UNC5D: variants seen among roughly 807,000 people sequenced by gnomAD.
The protein encoded by UNC5D is unc-5 netrin receptor D.
Under a neutral mutation model 105.4 loss-of-function variants are expected in UNC5D, and 39 were observed. That is an observed-to-expected ratio of 0.37 (90% CI 0.29 to 0.48). UNC5D has a LOEUF of 0.48. Among genes scored for constraint, UNC5D ranks in the 20% least tolerant of loss-of-function variants. The probability of loss-of-function intolerance (pLI) is 0.98; values close to 1 mark genes in which losing one functional copy is unlikely to be tolerated. For missense variants in UNC5D, 991 were observed against 1,202.4 expected (o/e 0.82, Z 2.60); for synonymous variants, 452 against 450.4 (o/e 1.00, Z -0.04).
At chr8:35,638,197 C>T (rs1327932783) in intron 4 of UNC5D, among the ~76,000 whole-genome samples, 1 of 152,098 alleles carries the variant, frequency 6.6e-6, no homozygotes, top group Non-Finnish European at 1.5e-5. Flanking sequence ...TGAGAACAAA[C>T]ACTTGTCTCA....
intron 3 of UNC5D, among the ~76,000 whole-genome samples, chr8:35,579,087 ATTT>A (rs1818304220): frequency 6.6e-6 from 1 of 152,194 alleles, no homozygotes; most frequent in South Asian, 2.1e-4. Context: ...TATAGATTTT[ATTT>A]CAATTCAACT....
chr8:35,515,186 G>T (rs761903012), intron 1 of UNC5D, among the ~76,000 whole-genome samples: 1 of 152,098 alleles, frequency 6.6e-6, no homozygotes, highest in Non-Finnish European at 1.5e-5. Context: ...AACTTTTGTG[G>T]CCTTACCAAA....
At chr8:35,305,956 C>A (rs987087695) in intron 1 of UNC5D, among the ~76,000 whole-genome samples, 11 of 147,978 alleles carry the variant, frequency 7.4e-5, no homozygotes, top group African/African-American at 2.7e-4. Flanking sequence ...TTCTTCTTAC[C>A]AATATATAAA....
At chr8:35,442,603 A>T (rs1457871897) in intron 1 of UNC5D, among the ~76,000 whole-genome samples, 1 of 151,924 alleles carries the variant, frequency 6.6e-6, no homozygotes, top group Non-Finnish European at 1.5e-5. Flanking sequence ...TTGTTGATAG[A>T]ATAGTTTGTT....
At chr8:35,343,810 C>T (rs142522379) in intron 1 of UNC5D, among the ~76,000 whole-genome samples, 23 of 152,244 alleles carry the variant, frequency 1.5e-4, no homozygotes, top group Middle Eastern at 3.4e-3. Context: ...ATACTTTATG[C>T]AATTCTGCAG....
At chr8:35,441,852 T>C (rs1428783836) in intron 1 of UNC5D, among the ~76,000 whole-genome samples, 1 of 151,694 alleles carries the variant, frequency 6.6e-6, no homozygotes, top group African/African-American at 2.4e-5. Context: ...ATTCATCTAA[T>C]AAGAAGCGGG....
chr8:35,303,555 G>C (rs1356783767), intron 1 of UNC5D, among the ~76,000 whole-genome samples: 1 of 152,170 alleles, frequency 6.6e-6, no homozygotes, highest in Non-Finnish European at 1.5e-5. Context: ...AGAATTTCAT[G>C]ATTTTATCTC....
chr8:35,790,163 T>A (rs1802971008), intron 16 of UNC5D, among the ~76,000 whole-genome samples, 196 bp from the exon 17 acceptor site: 1 of 152,136 alleles, frequency 6.6e-6, no homozygotes, highest in Admixed American at 6.6e-5. Context: ...AGGTTATTGG[T>A]AACATTCCAC....
chr8:35,774,521 T>G (rs1256516803), intron 16 of UNC5D, 44 bp downstream of exon 16: 1 of 1,605,182 alleles, frequency 6.2e-7, no homozygotes, highest in Non-Finnish European at 8.5e-7. Context: ...CTAAGAGAAC[T>G]TGGAAACATA....
In UNC5D at chr8:35,794,042, G is replaced by A. The variant is rs1467431489; in HGVS notation, c.*3479G>A. 1 of 152,048 alleles carries A rather than the reference G, an allele frequency of 6.6e-6. No homozygotes were observed. The highest frequency in any genetic ancestry group is 1.5e-5 in the Non-Finnish European group (1 of 68,006). The allele number at this position is 152,048 out of a possible 1,614,324, so 9.4% of individuals were successfully genotyped here. On this transcript the variant is annotated 3_prime_UTR_variant, in exon 17 of 17. Coordinates refer to ENST00000404895, the MANE Select transcript of UNC5D (RefSeq NM_080872.4). ...CCTTGAGAAACATTCTCAGCATCAG[G>A]ATTGATAAACAAATGTAGATGATTA... is the stretch of plus-strand genomic sequence containing the variant.
At chr8:35,486,192 A>C (rs1327238048) in intron 1 of UNC5D, among the ~76,000 whole-genome samples, 1 of 152,212 alleles carries the variant, frequency 6.6e-6, no homozygotes, top group Admixed American at 6.5e-5. Flanking sequence ...AATTAGCATG[A>C]GTAGATATAA....
chr8:35,441,480 A>G (rs901976060), intron 1 of UNC5D, among the ~76,000 whole-genome samples: 6 of 151,834 alleles, frequency 4.0e-5, no homozygotes, highest in Non-Finnish European at 2.9e-5. Flanking sequence ...GGGCCTTGGA[A>G]TGTACCCCCT....
chr8:35,375,641 C>T (rs1802657018), intron 1 of UNC5D, among the ~76,000 whole-genome samples: 1 of 152,132 alleles, frequency 6.6e-6, no homozygotes, highest in Non-Finnish European at 1.5e-5. Flanking sequence ...AAATCACCAA[C>T]ATTTGAGAGA....
intron 8 of UNC5D, among the ~76,000 whole-genome samples, chr8:35,709,257 G>A (rs1452362671): frequency 6.6e-6 from 1 of 152,160 alleles, no homozygotes; most frequent in Non-Finnish European, 1.5e-5. Context: ...TGTTAGTGAG[G>A]AAGGACAGGA....
intron 1 of UNC5D, among the ~76,000 whole-genome samples, chr8:35,406,564 ACAGTAC>A (rs1174953176): frequency 3.3e-5 from 5 of 152,200 alleles, no homozygotes; most frequent in Admixed American, 2.6e-4. Context: ...AGAGTGAAAG[ACAGTAC>A]CAGCTTCAGC....
intron 4 of UNC5D, among the ~76,000 whole-genome samples, chr8:35,668,024 T>C (rs1190041034): frequency 6.6e-6 from 1 of 152,116 alleles, no homozygotes. Flanking sequence ...GTTGTTAAGA[T>C]TGTTCTACAC....
intron 2 of UNC5D, among the ~76,000 whole-genome samples, chr8:35,555,183 C>A (rs890064349): frequency 6.6e-6 from 1 of 152,162 alleles, no homozygotes; most frequent in Non-Finnish European, 1.5e-5. Context: ...GTTTCAAACT[C>A]ACTTTTATGG....
chr8:35,284,902 G>C (rs1018585078), intron 1 of UNC5D, among the ~76,000 whole-genome samples: 1 of 152,032 alleles, frequency 6.6e-6, no homozygotes, highest in Non-Finnish European at 1.5e-5. Flanking sequence ...TTCTCTCTCT[G>C]AGCTCTATAA....
chr8:35,387,175 A>G (rs1414757040), intron 1 of UNC5D, among the ~76,000 whole-genome samples: 2 of 151,968 alleles, frequency 1.3e-5, no homozygotes, highest in Non-Finnish European at 2.9e-5. Flanking sequence ...CCTGGCTAAC[A>G]TGGTGAAACC....
Sources: gnomAD v4.1 joint callset for allele counts (sites outside exome capture counted in the v4.1 genomes callset) on GRCh38, gnomAD v4.1.1 for gene constraint, MANE v1.5 for transcripts, NCBI Gene and HGNC (gene_info 2026-07-23, HGNC 2026-07-21) for gene names.